The following DLGAP2 variants were observed in gnomAD, a reference collection of about 807,000 sequenced individuals.
DLGAP2 encodes the protein DLG associated protein 2.
In DLGAP2, 26 loss-of-function variants were observed where a neutral mutation model predicts 100.3. The observed-to-expected ratio is 0.26, with a 90% CI of 0.19 to 0.36. DLGAP2 has a LOEUF of 0.36. Ranked by LOEUF, DLGAP2 falls within the 10% of genes least tolerant of loss-of-function variation. The probability of loss-of-function intolerance (pLI) is 1.00; values close to 1 mark genes in which losing one functional copy is unlikely to be tolerated. For missense variants in DLGAP2, 1,858 were observed against 1,453.2 expected, an observed-to-expected ratio of 1.28 and a Z score of -4.53; for synonymous variants, 886 against 630.1, an observed-to-expected ratio of 1.41 and a Z score of -6.08.
intron 4 of DLGAP2, among the ~76,000 whole-genome samples, chr8:1,512,711 A>T (rs56732103): frequency 0.034 from 5,212 of 152,328 alleles, 306 homozygotes; most frequent in African/African-American, 0.12. Flanking sequence ...TGAGTACCCC[A>T]GCTCGCTGTG....
At chr8:757,890 G>A (rs541575082) in intron 1 of DLGAP2, among the ~76,000 whole-genome samples, 6 of 152,268 alleles carry the variant, frequency 3.9e-5, no homozygotes, top group Admixed American at 1.3e-4. Flanking sequence ...TCCCAAATGC[G>A]TCTTGTCTCC....
intron 2 of DLGAP2, among the ~76,000 whole-genome samples, chr8:976,290 A>G (rs189959353): frequency 4.0e-4 from 61 of 152,270 alleles, no homozygotes; most frequent in African/African-American, 1.3e-3. Flanking sequence ...AAATCGGCCA[A>G]TAGAACACAA....
chr8:964,903 C>T (rs910505908), intron 2 of DLGAP2, among the ~76,000 whole-genome samples: 14 of 152,270 alleles, frequency 9.2e-5, no homozygotes, highest in South Asian at 6.2e-4. Context: ...CCTTCCCGCT[C>T]GCTGAGCCCG....
At chr8:1,510,996 G>A (rs577412156) in intron 4 of DLGAP2, among the ~76,000 whole-genome samples, 2 of 152,330 alleles carry the variant, frequency 1.3e-5, no homozygotes, top group South Asian at 4.1e-4. Flanking sequence ...ATAAATCTGT[G>A]AGAATGTTCC....
intron 8 of DLGAP2, among the ~76,000 whole-genome samples, chr8:1,640,886 G>T (rs1797881691): frequency 6.6e-6 from 1 of 152,246 alleles, no homozygotes. Context: ...TTGAACTACA[G>T]CCAAAGCCTT....
intron 3 of DLGAP2, among the ~76,000 whole-genome samples, chr8:1,480,690 T>G (rs1160326480): frequency 1.4e-5 from 2 of 138,112 alleles, no homozygotes; most frequent in African/African-American, 2.7e-5. Flanking sequence ...TCTCTACTAA[T>G]AATAATAAAA....
At chr8:985,649 G>T (rs1362726113) in intron 2 of DLGAP2, among the ~76,000 whole-genome samples, 2 of 152,232 alleles carry the variant, frequency 1.3e-5, no homozygotes, top group African/African-American at 2.4e-5. Context: ...AGTACAATCT[G>T]TATTATCTGA....
chr8:1,617,808 G>C (rs1051473594), intron 6 of DLGAP2, among the ~76,000 whole-genome samples: 1 of 152,150 alleles, frequency 6.6e-6, no homozygotes, highest in African/African-American at 2.4e-5. Context: ...ACGAGCTAAA[G>C]CTCAATGTTA....
intron 6 of DLGAP2, among the ~76,000 whole-genome samples, chr8:1,584,580 G>A: frequency 6.6e-6 from 1 of 152,166 alleles, no homozygotes; most frequent in African/African-American, 2.4e-5. Context: ...AGCACGTGCA[G>A]AGAGAGCATT....
At chr8:955,553 T>C (rs1799577751) in intron 2 of DLGAP2, among the ~76,000 whole-genome samples, 1 of 152,188 alleles carries the variant, frequency 6.6e-6, no homozygotes, top group Non-Finnish European at 1.5e-5. Context: ...TTGGCTTGTC[T>C]GCCTTAACAG....
At chr8:946,522 C>T (rs1273073825) in intron 2 of DLGAP2, among the ~76,000 whole-genome samples, 1 of 152,164 alleles carries the variant, frequency 6.6e-6, no homozygotes, top group African/African-American at 2.4e-5. Flanking sequence ...CTTGGCCTCC[C>T]AAAGTGCTGG....
rs375783603 is a variant in DLGAP2 at position 1,677,516 on chromosome 8, CAG to C, written c.2289-692_2289-691del. Reference sequence around the variant, plus strand: ...TGCAGTAGCTGGGACTATGTAGACACAGAGAGACACACACACACCACACAGGC... The same window carrying C: ...TGCAGTAGCTGGGACTATGTAGACACAGAGACACACACACACCACACAGGC... On this transcript the variant is annotated intron_variant, in intron 11 of 14. Transcript: ENST00000637795. 3.1e-4 allele frequency among the ~76,000 whole-genome samples: 47 copies of C among 152,300 alleles called. No individual in the cohort carries two copies. The South Asian group carries it at 9.7e-3, about 32-fold the overall frequency.
At chr8:1,437,733 G>A (rs1469779466) in intron 3 of DLGAP2, among the ~76,000 whole-genome samples, 2 of 147,204 alleles carry the variant, frequency 1.4e-5, no homozygotes, top group African/African-American at 5.1e-5. Flanking sequence ...TTTGGGAGGC[G>A]AAGGCAGGTG....
At chr8:1,553,036 A>G (rs1452140516) in intron 5 of DLGAP2, among the ~76,000 whole-genome samples, 2 of 152,180 alleles carry the variant, frequency 1.3e-5, no homozygotes, top group African/African-American at 2.4e-5. Context: ...TCTCTATGCC[A>G]CAGTCCACCG....
intron 3 of DLGAP2, among the ~76,000 whole-genome samples, chr8:1,308,144 G>A (rs77865542): frequency 0.011 from 1,676 of 152,326 alleles, 29 homozygotes; most frequent in African/African-American, 0.037. Flanking sequence ...CCCTGGGCTC[G>A]TTGCAAGCCA....
At chr8:1,026,972 A>G (rs573518226) in intron 2 of DLGAP2, among the ~76,000 whole-genome samples, 118 of 152,358 alleles carry the variant, frequency 7.7e-4, no homozygotes, top group Middle Eastern at 3.4e-3. Flanking sequence ...TATCATTTAC[A>G]TTGTACGCTT....
chr8:1,668,432 C>T lies in DLGAP2; in HGVS notation c.1914C>T (p.Thr638=), dbSNP rs562203369. 1 of 1,602,798 alleles carries T rather than the reference C, an allele frequency of 6.2e-7. No individual in the cohort carries two copies. The highest frequency in any genetic ancestry group is 8.5e-7 in the Non-Finnish European group (1 of 1,175,222). ...SVTAQSSTES[T]QDAYQDSRAQ... is the part of the protein sequence containing the mutation. ...CGGCGCAGAGCAGCACCGAATCCAC[C>T]CAGGACGCCTACCAGGACAGCCGCG... The change falls in exon 9 of 15, where the codon ACC becomes ACT. Residue 638 remains threonine, a synonymous_variant. Transcript: ENST00000637795.
chr8:898,343 C>A (rs1798186590), intron 1 of DLGAP2, among the ~76,000 whole-genome samples: 1 of 152,298 alleles, frequency 6.6e-6, no homozygotes, highest in South Asian at 2.1e-4. Context: ...AAATCTCTTA[C>A]AAAGCACACG....
intron 3 of DLGAP2, among the ~76,000 whole-genome samples, chr8:1,490,869 G>A (rs1169882477): frequency 6.6e-6 from 1 of 151,250 alleles, no homozygotes; most frequent in Non-Finnish European, 1.5e-5. Flanking sequence ...CACCGGGGAC[G>A]GTTGTGGGGT....
Sources: gnomAD v4.1 joint callset for allele counts (sites outside exome capture counted in the v4.1 genomes callset) on GRCh38, gnomAD v4.1.1 for gene constraint, MANE v1.5 for transcripts, NCBI Gene and HGNC (gene_info 2026-07-23, HGNC 2026-07-21) for gene names.